CDH12: variants seen among roughly 807,000 people sequenced by gnomAD.
The protein encoded by CDH12 is cadherin 12, also known as cadherin-12.
In CDH12, 41 loss-of-function variants were observed where a neutral mutation model predicts 74.1. The observed-to-expected ratio is 0.55, with a 90% CI of 0.43 to 0.72. CDH12 has a LOEUF of 0.72. Ranked by LOEUF, CDH12 falls within the 30% of genes least tolerant of loss-of-function variation. The pLI, the probability that CDH12 is intolerant of heterozygous loss-of-function variation, is 0.00. For synonymous variants in CDH12, 399 were observed against 355.0 expected (o/e 1.12, Z -1.39); for missense variants, 945 against 977.2 (o/e 0.97, Z 0.44).
chr5:22,779,307 A>T lies in CDH12; in HGVS notation c.-523+73751T>A, dbSNP rs7356580. On this transcript the variant is annotated intron_variant, in intron 1 of 14. Transcript: ENST00000382254. ...TCAGACATATGGGAAAAATATTTTC[A>T]CTATAAACAAATACATTTCACAAAG... Among the ~76,000 whole-genome samples, 1,160 of 152,174 alleles carry T rather than the reference A, an allele frequency of 7.6e-3. 9 individuals carry two copies. The highest frequency in any genetic ancestry group is 0.026 in the African/African-American group (1,099 of 41,560).
Position 21,819,467 on chromosome 5 carries a change from T to C in CDH12, c.815-2335A>G, listed in dbSNP as rs961953966. 5.3e-5 allele frequency among the ~76,000 whole-genome samples: 8 copies of C among 152,036 alleles called. No individual in the cohort carries two copies. In the East Asian group the frequency reaches 5.8e-4, roughly 11 times the overall value. The stretch of plus-strand genomic sequence containing the variant: ...TACGATTTATCAGAAACTGTGTTTG[T>C]ATCTTTTGCCTCTTGTTGTGTGACT... On this transcript the variant is annotated intron_variant, in intron 8 of 14. Transcript: ENST00000382254.
At chr5:22,060,511 T>G (rs1437902136) in intron 5 of CDH12, among the ~76,000 whole-genome samples, 1 of 151,680 alleles carries the variant, frequency 6.6e-6, no homozygotes, top group Non-Finnish European at 1.5e-5. Context: ...ATAAAAACAA[T>G]GAGAGAAAGG....
At position 21,800,767 on chromosome 5, in the gene CDH12, G is replaced by T. The variant is rs368948897; in HGVS notation, c.1256+1400C>A. 6.6e-5 allele frequency among the ~76,000 whole-genome samples: 10 copies of T among 152,250 alleles called. No individual in the cohort carries two copies. In the East Asian group the frequency reaches 1.7e-3, roughly 26 times the overall value. ...GAGGTGATTGGCTCATGGGAGTGGGGGTGGTTCCCCCATGCTTTGCTCATG... is the reference window on the plus strand; with the variant it reads ...GAGGTGATTGGCTCATGGGAGTGGGTGTGGTTCCCCCATGCTTTGCTCATG... On this transcript the variant is annotated intron_variant, in intron 10 of 14. Transcript: ENST00000382254.
At chr5:22,124,152 T>A (rs555562377) in intron 4 of CDH12, among the ~76,000 whole-genome samples, 268 of 151,450 alleles carry the variant, frequency 1.8e-3, no homozygotes, top group Non-Finnish European at 3.3e-3. Flanking sequence ...ATTATTATTA[T>A]TTTATTTTAT....
At chr5:21,837,813 A>G (rs1375291070) in intron 8 of CDH12, among the ~76,000 whole-genome samples, 1 of 152,162 alleles carries the variant, frequency 6.6e-6, no homozygotes, top group Non-Finnish European at 1.5e-5. Context: ...TATTCATTCA[A>G]AATGTGAAAA....
intron 6 of CDH12, among the ~76,000 whole-genome samples, chr5:21,911,189 T>C (rs891683827): frequency 6.6e-6 from 1 of 152,176 alleles, no homozygotes; most frequent in Non-Finnish European, 1.5e-5. Context: ...TTATCTAAGC[T>C]TAACAAGTTC....
intron 5 of CDH12, among the ~76,000 whole-genome samples, chr5:22,045,379 G>A (rs981520563): frequency 2.0e-5 from 3 of 152,026 alleles, no homozygotes; most frequent in Admixed American, 6.6e-5. Context: ...CAGTAAGGAG[G>A]CTTCTTAAAT....
intron 6 of CDH12, among the ~76,000 whole-genome samples, chr5:21,960,357 G>A (rs1459675877): frequency 6.6e-6 from 1 of 152,072 alleles, no homozygotes; most frequent in Admixed American, 6.6e-5. Flanking sequence ...CTTGTTGCAA[G>A]GAACTCTACT....
At chr5:22,069,023 T>C (rs1198628379) in intron 5 of CDH12, among the ~76,000 whole-genome samples, 1 of 152,184 alleles carries the variant, frequency 6.6e-6, no homozygotes, top group Non-Finnish European at 1.5e-5. Flanking sequence ...ACTTTCATCA[T>C]GGAAGGAGCA....
At chr5:21,949,916 T>C (rs1755768022) in intron 6 of CDH12, among the ~76,000 whole-genome samples, 1 of 152,300 alleles carries the variant, frequency 6.6e-6, no homozygotes, top group African/African-American at 2.4e-5. Context: ...ATTTTATAAA[T>C]TCAGTGTTTA....
chr5:22,121,996 C>G (rs1745542323), intron 4 of CDH12, among the ~76,000 whole-genome samples: 1 of 152,094 alleles, frequency 6.6e-6, no homozygotes, highest in South Asian at 2.1e-4. Context: ...ATCCTTCACC[C>G]ATGCCTGAAT....
chr5:22,727,405 GT>G (rs977950236), intron 1 of CDH12, among the ~76,000 whole-genome samples: 2 of 151,498 alleles, frequency 1.3e-5, no homozygotes, highest in Admixed American at 6.6e-5. Context: ...AATTTAGTGG[GT>G]TTTTTTGGTA....
chr5:22,727,466 C>G (rs1000614292), intron 1 of CDH12, among the ~76,000 whole-genome samples: 1 of 151,670 alleles, frequency 6.6e-6, no homozygotes, highest in South Asian at 2.1e-4. Flanking sequence ...CTCTAGTAAT[C>G]ATATCCATAC....
At chr5:22,593,424 T>C (rs1399834529) in intron 1 of CDH12, among the ~76,000 whole-genome samples, 5 of 152,210 alleles carry the variant, frequency 3.3e-5, no homozygotes, top group Non-Finnish European at 7.3e-5. Context: ...TTCTCCTGTT[T>C]TCCCTGTTTT....
Position 21,795,634 on chromosome 5 carries a change from T to A in CDH12, c.1256+6533A>T, listed in dbSNP as rs935013901. 2.0e-5 allele frequency among the ~76,000 whole-genome samples: 3 copies of A among 151,960 alleles called. No individual in the cohort carries two copies. The East Asian group carries it at 5.8e-4, about 29-fold the overall frequency. ...CTCTAGAAACATTTATACCAATACT[T>A]CATTTAATTCTCACAAAAATCTTGT... is the stretch of plus-strand genomic sequence containing the variant. On this transcript the variant is annotated intron_variant, in intron 10 of 14. Transcript: ENST00000382254.
At chr5:21,908,602 A>G (rs1753739743) in intron 6 of CDH12, among the ~76,000 whole-genome samples, 1 of 152,216 alleles carries the variant, frequency 6.6e-6, no homozygotes, top group Non-Finnish European at 1.5e-5. Flanking sequence ...TGTTTGGGTC[A>G]TATCTCTTAA....
chr5:21,939,458 T>A lies in CDH12; in HGVS notation c.526+35633A>T, dbSNP rs554185823. 4.4e-3 allele frequency among the ~76,000 whole-genome samples: 674 copies of A among 151,958 alleles called. 5 individuals are homozygous for A. The highest frequency in any genetic ancestry group is 0.015 in the African/African-American group (613 of 41,552). ...CATACATCAGGGTTACAATTAAATT[T>A]AACATGCTTTTTATTTTGTCAATTT... On this transcript the variant is annotated intron_variant, in intron 6 of 14. Coordinates refer to ENST00000382254, the MANE Select transcript of CDH12 (RefSeq NM_004061.5).
At chr5:22,573,815 A>C (rs186829229) in intron 1 of CDH12, among the ~76,000 whole-genome samples, 107 of 152,244 alleles carry the variant, frequency 7.0e-4, no homozygotes, top group Middle Eastern at 3.4e-3. Context: ...ACAATATGAA[A>C]TTGATATATT....
chr5:22,100,869 CT>C (rs1744103964), intron 4 of CDH12, among the ~76,000 whole-genome samples: 2 of 151,990 alleles, frequency 1.3e-5, no homozygotes, highest in South Asian at 2.1e-4. Context: ...AATAATTTCA[CT>C]TATTAAAATG....
Sources: gnomAD v4.1 joint callset for allele counts (sites outside exome capture counted in the v4.1 genomes callset) on GRCh38, gnomAD v4.1.1 for gene constraint, MANE v1.5 for transcripts, NCBI Gene and HGNC (gene_info 2026-07-23, HGNC 2026-07-21) for gene names.